The following OSBPL6 variants were observed in gnomAD, a reference collection of about 807,000 sequenced individuals.
OSBPL6 encodes the protein oxysterol binding protein like 6.
OSBPL6 carries 49 observed loss-of-function variants against 125.8 expected under a neutral mutation model. That is an observed-to-expected ratio of 0.39 (90% confidence interval 0.31 to 0.49). The LOEUF (loss-of-function observed/expected upper bound fraction) is 0.49. Ranked by LOEUF, OSBPL6 falls within the 20% of genes least tolerant of loss-of-function variation. The probability of loss-of-function intolerance (pLI) is 0.88; values close to 1 mark genes in which losing one functional copy is unlikely to be tolerated. For missense variants in OSBPL6, 986 were observed against 1,135.4 expected, an observed-to-expected ratio of 0.87 and a Z score of 1.89; for synonymous variants, 394 against 391.8, an observed-to-expected ratio of 1.01 and a Z score of -0.07.
chr2:178,352,509 C>T lies in OSBPL6; in HGVS notation c.1153+3120C>T, dbSNP rs563184298. The stretch of plus-strand genomic sequence containing the variant: ...GCTAGGACGGCAGTCTGAGATCGAA[C>T]TGCGAGGCGGCAGACTGGCTGGGGG... On this transcript the variant is annotated intron_variant, in intron 12 of 24. Transcript: ENST00000190611. Among the ~76,000 whole-genome samples, 4 of 152,304 alleles carry T rather than the reference C, an allele frequency of 2.6e-5. No homozygotes were observed. In the South Asian group the frequency reaches 8.3e-4, roughly 32 times the overall value.
intron 1 of OSBPL6, among the ~76,000 whole-genome samples, chr2:178,238,788 G>A (rs1324457582): frequency 2.0e-5 from 3 of 152,098 alleles, no homozygotes; most frequent in Non-Finnish European, 4.4e-5. Context: ...TACCCACTGG[G>A]GATCTTGGAA....
rs1235008882 is a variant in OSBPL6, at chr2:178,396,022, CTGTT to C, written c.*466_*469del. ...CGGTCAGTGCAGACTTCAAGTGTGT[CTGTT>C]TGATGTGGTGTGATTGTGCTGGCCT... On this transcript the variant is annotated 3_prime_UTR_variant, in exon 25 of 25. Coordinates refer to ENST00000190611, the MANE Select transcript of OSBPL6 (RefSeq NM_032523.4). 2 of 294,820 alleles carry C rather than the reference CTGTT, an allele frequency of 6.8e-6. No individual in the cohort carries two copies. Among genetic ancestry groups the C allele is most frequent in the Non-Finnish European group, 6.7e-6 (1 of 148,420 alleles). 18.3% of individuals were successfully genotyped at this position (294,820 alleles called of 1,614,324 possible).
intron 11 of OSBPL6, among the ~76,000 whole-genome samples, chr2:178,347,667 C>A (rs1437664752): frequency 6.6e-6 from 1 of 152,158 alleles, no homozygotes; most frequent in Non-Finnish European, 1.5e-5. Flanking sequence ...AGTATTGAAC[C>A]CCAGCACTCC....
chr2:178,305,777 A>G (rs1013607004), intron 2 of OSBPL6, among the ~76,000 whole-genome samples: 1 of 152,132 alleles, frequency 6.6e-6, no homozygotes, highest in Non-Finnish European at 1.5e-5. Flanking sequence ...GCTTTAAAAC[A>G]AAGAAAATGC....
In OSBPL6 at chr2:178,394,366, A is replaced by C. The variant is rs1166532962; in HGVS notation, c.2627A>C (p.Glu876Ala). 6.2e-7 allele frequency: 1 copy of C among 1,613,662 alleles called. No homozygotes were observed. Among genetic ancestry groups the C allele is most frequent in the Admixed American group, 1.7e-5 (1 of 59,918 alleles). ...GCAGCATCAGAGAAGCAAAGAGTAG[A>C]GGAACTCCAGAGATCTCGGAGACGA... Reference protein sequence around the residue: ...EAAASEKQRVEELQRSRRRYM... With the variant: ...EAAASEKQRVAELQRSRRRYM... Residue 876 changes from glutamate (E) to alanine (A), a missense_variant, in exon 24 of 25, where the codon GAG becomes GCG. By Grantham distance (107) the Glu-to-Ala change is moderately radical. Coordinates refer to ENST00000190611, the MANE Select transcript of OSBPL6 (RefSeq NM_032523.4).
intron 12 of OSBPL6, among the ~76,000 whole-genome samples, chr2:178,358,357 A>G (rs116006046): frequency 0.061 from 9,326 of 152,286 alleles, 364 homozygotes; most frequent in South Asian, 0.15. Flanking sequence ...TATATTACAA[A>G]GCTATAGTAA....
chr2:178,325,178 C>T (rs1688587666), intron 4 of OSBPL6, among the ~76,000 whole-genome samples: 1 of 152,162 alleles, frequency 6.6e-6, no homozygotes, highest in Non-Finnish European at 1.5e-5. Flanking sequence ...CAATGGGCTT[C>T]CTCCTTTATT....
At chr2:178,198,678 G>T (rs2089060913) in intron 1 of OSBPL6, among the ~76,000 whole-genome samples, 1 of 144,012 alleles carries the variant, frequency 6.9e-6, no homozygotes, top group African/African-American at 2.5e-5. Flanking sequence ...GCACAAAGAG[G>T]TTAAGTAATC....
At chr2:178,259,532 T>G (rs762030342) in intron 1 of OSBPL6, among the ~76,000 whole-genome samples, 1 of 152,338 alleles carries the variant, frequency 6.6e-6, no homozygotes, top group African/African-American at 2.4e-5. Context: ...TCCAAATGTG[T>G]TTTTCTTCTT....
chr2:178,339,134 T>C (rs764792866), intron 10 of OSBPL6, 40 bp downstream of exon 10: 1 of 1,300,220 alleles, frequency 7.7e-7, no homozygotes, highest in African/African-American at 1.5e-5. Context: ...ACTTAGGGTA[T>C]TAATTAATAC....
At chr2:178,248,827 A>G (rs1016797948) in intron 1 of OSBPL6, among the ~76,000 whole-genome samples, 1 of 151,530 alleles carries the variant, frequency 6.6e-6, no homozygotes, top group Non-Finnish European at 1.5e-5. Flanking sequence ...AAGTACAAGG[A>G]AAAAAAAACA....
At chr2:178,199,964 A>G (rs950253031) in intron 1 of OSBPL6, among the ~76,000 whole-genome samples, 15 of 152,150 alleles carry the variant, frequency 9.9e-5, no homozygotes, top group African/African-American at 3.4e-4. Context: ...CTAACTGACA[A>G]TTATTTCTCT....
At chr2:178,344,841 C>T (rs1690555066) in intron 11 of OSBPL6, among the ~76,000 whole-genome samples, 2 of 152,072 alleles carry the variant, frequency 1.3e-5, no homozygotes, top group Non-Finnish European at 2.9e-5. Context: ...GTGAATTTTG[C>T]TGTCATCTCT....
At chr2:178,275,866 G>A (rs2092459089) in intron 1 of OSBPL6, among the ~76,000 whole-genome samples, 1 of 152,138 alleles carries the variant, frequency 6.6e-6, no homozygotes, top group Non-Finnish European at 1.5e-5. Flanking sequence ...GCATTAATTT[G>A]CTTAATCCTC....
intron 1 of OSBPL6, among the ~76,000 whole-genome samples, chr2:178,227,597 A>G (rs571265807): frequency 2.0e-5 from 3 of 152,346 alleles, no homozygotes; most frequent in South Asian, 4.1e-4. Flanking sequence ...TAGTCATCCA[A>G]TGGAATACAT....
chr2:178,298,421 T>A (rs1685954045), intron 2 of OSBPL6, among the ~76,000 whole-genome samples: 1 of 152,190 alleles, frequency 6.6e-6, no homozygotes, highest in Non-Finnish European at 1.5e-5. Flanking sequence ...GGCAATCTAT[T>A]TTTAGTTTTT....
intron 12 of OSBPL6, among the ~76,000 whole-genome samples, chr2:178,357,199 C>T (rs755255117): frequency 5.3e-5 from 8 of 152,178 alleles, no homozygotes; most frequent in Non-Finnish European, 1.0e-4. Flanking sequence ...ATGACTAAAA[C>T]ACTAAAAGCA....
At chr2:178,250,047 G>A (rs568939535) in intron 1 of OSBPL6, among the ~76,000 whole-genome samples, 28 of 152,234 alleles carry the variant, frequency 1.8e-4, no homozygotes, top group African/African-American at 6.0e-4. Context: ...GCCAGCAACC[G>A]TATAGGTTCT....
Position 178,372,205 on chromosome 2 carries a change from G to T in OSBPL6, c.1367G>T (p.Ser456Ile). ...SESIICDQVV[S>I]VNIIPSPDEA... The stretch of plus-strand genomic sequence containing the variant: ...TCTATTATTTGTGATCAGGTTGTCA[G>T]TGTAAATATTATTCCTAGCCCTGAT... The change falls in exon 14 of 25, where the codon AGT (serine) becomes ATT (isoleucine). Residue 456 changes from serine to isoleucine, a missense_variant. Around this residue, in one of 3 missense-constraint regions of OSBPL6, gnomAD observed 843 missense variants for 997.3 expected, o/e 0.85. Coordinates refer to ENST00000190611, the MANE Select transcript of OSBPL6 (RefSeq NM_032523.4). 2.5e-6 allele frequency: 4 copies of T among 1,612,956 alleles called. No homozygotes were observed. Among genetic ancestry groups the T allele is most frequent in the Non-Finnish European group, 3.4e-6 (4 of 1,179,244 alleles).
Sources: gnomAD v4.1 joint callset for allele counts (sites outside exome capture counted in the v4.1 genomes callset) on GRCh38, gnomAD v4.1.1 for gene constraint, gnomAD v4.1.1 regional missense constraint, MANE v1.5 for transcripts, NCBI Gene and HGNC (gene_info 2026-07-23, HGNC 2026-07-21) for gene names.